The following PARD3B variants were observed in gnomAD, a reference collection of about 807,000 sequenced individuals.
PARD3B encodes partitioning defective 3 homolog B.
Under a neutral mutation model 130.2 loss-of-function variants are expected in PARD3B, and 103 were observed. The observed-to-expected ratio is 0.79, with a 90% CI of 0.67 to 0.93. The LOEUF (loss-of-function observed/expected upper bound fraction) is 0.93. Ranked by LOEUF, PARD3B falls within the 40% of genes least tolerant of loss-of-function variation. The pLI is 0.00. For synonymous variants in PARD3B, 583 were observed against 553.2 expected, an observed-to-expected ratio of 1.05 and a Z score of -0.76; for missense variants, 1,609 against 1,499.2, an observed-to-expected ratio of 1.07 and a Z score of -1.21.
At chr2:205,061,677 T>C (rs7557452) in intron 4 of PARD3B, among the ~76,000 whole-genome samples, 73,847 of 151,682 alleles carry the variant, frequency 0.49, 18,516 homozygotes, top group South Asian at 0.62. Flanking sequence ...TCTTTAGCTT[T>C]AATTTACAGA....
chr2:205,062,380 G>T (rs1316192504), intron 4 of PARD3B, among the ~76,000 whole-genome samples: 3 of 152,078 alleles, frequency 2.0e-5, no homozygotes, highest in African/African-American at 7.2e-5. Context: ...CTTGTTCCTG[G>T]ACTGAGGCAT....
intron 20 of PARD3B, among the ~76,000 whole-genome samples, chr2:205,456,620 CT>C (rs2048284931): frequency 6.6e-6 from 1 of 151,630 alleles, no homozygotes; most frequent in Non-Finnish European, 1.5e-5. Context: ...TTGTCAAATG[CT>C]TTTTCCACTT....
At position 204,546,083 on chromosome 2, in the gene PARD3B, G is replaced by A. The variant is rs775470987; in HGVS notation, c.84G>A (p.Gln28=). Residue 28 remains glutamine, a synonymous_variant, in exon 1 of 23, where the codon CAG becomes CAA. Transcript: ENST00000406610. The stretch of plus-strand genomic sequence containing the variant: ...AGCTGCGCGTCGGCGAGCTCACCCA[G>A]CAGGCGCTGCAGCGGTACCTGAAGA... ...EGQLRVGELT[Q]QALQRYLKTR... The A allele has an allele frequency of 1.3e-6, 2 of 1,557,606 alleles. No homozygotes were observed. The highest frequency in any genetic ancestry group is 2.4e-5 in the South Asian group (2 of 84,686).
intron 4 of PARD3B, among the ~76,000 whole-genome samples, chr2:205,101,105 A>G (rs1306747348): frequency 6.6e-6 from 1 of 152,164 alleles, no homozygotes; most frequent in East Asian, 1.9e-4. Flanking sequence ...AGAAATTTGT[A>G]TATGGAATAT....
At chr2:205,548,103 T>C (rs2052455329) in intron 21 of PARD3B, among the ~76,000 whole-genome samples, 1 of 152,328 alleles carries the variant, frequency 6.6e-6, no homozygotes, top group African/African-American at 2.4e-5. Context: ...TCAGACTTCC[T>C]CCTGGGTTCA....
In PARD3B at chr2:205,558,971, C is replaced by T. The variant is rs2053021130; in HGVS notation, c.3260+5568C>T. On this transcript the variant is annotated intron_variant, in intron 22 of 22. Transcript: ENST00000406610. This position sits in a 1 kb window ranked among gnomAD's most constrained non-coding sequence, Gnocchi z 4.8. ...AATATAAATTCCTTGAAATAAGAGA[C>T]TTTGTTTTATACCCATCATTTGTTA... Among the ~76,000 whole-genome samples the T allele has an allele frequency of 1.3e-5, 2 of 152,172 alleles. No individual in the cohort carries two copies. The highest frequency in any genetic ancestry group is 4.8e-5 in the African/African-American group (2 of 41,442).
intron 4 of PARD3B, among the ~76,000 whole-genome samples, chr2:205,072,163 C>A (rs879852959): frequency 5.3e-5 from 8 of 151,440 alleles, no homozygotes; most frequent in Non-Finnish European, 1.0e-4. Context: ...ATAATATGAT[C>A]AAAAATTCCA....
chr2:205,390,045 T>C (rs2045796764), intron 18 of PARD3B, among the ~76,000 whole-genome samples: 2 of 152,048 alleles, frequency 1.3e-5, no homozygotes, highest in Non-Finnish European at 2.9e-5. Flanking sequence ...GTTTCAAACT[T>C]AATATAGCTT....
At chr2:205,077,858 C>T (rs975093498) in intron 4 of PARD3B, among the ~76,000 whole-genome samples, 2 of 152,090 alleles carry the variant, frequency 1.3e-5, no homozygotes, top group Non-Finnish European at 2.9e-5. Flanking sequence ...CCTTACTTTC[C>T]TATTTAAACA....
chr2:205,244,715 A>G lies in PARD3B; in HGVS notation c.2141-1063A>G, dbSNP rs942122155. ...AAACTACTATAGGGCGACCCATGTT[A>G]TCTAATTCTTCCTATATGAGCTTCA... On this transcript the variant is annotated intron_variant, in intron 15 of 22. Coordinates refer to ENST00000406610, the MANE Select transcript of PARD3B (RefSeq NM_001302769.2). The surrounding 1 kb of genome is among the most constrained non-coding windows in gnomAD (Gnocchi z 4.7). 2.6e-5 allele frequency among the ~76,000 whole-genome samples: 4 copies of G among 152,088 alleles called. No homozygotes were observed. Among genetic ancestry groups the G allele is most frequent in the African/African-American group, 9.7e-5 (4 of 41,406 alleles).
chr2:204,897,955 C>T (rs955852597), intron 2 of PARD3B, among the ~76,000 whole-genome samples: 1 of 150,858 alleles, frequency 6.6e-6, no homozygotes, highest in African/African-American at 2.4e-5. Context: ...TAATAAAGGA[C>T]TAAATGAAAA....
chr2:205,469,346 C>T (rs115060748), intron 20 of PARD3B, among the ~76,000 whole-genome samples: 6 of 152,194 alleles, frequency 3.9e-5, no homozygotes, highest in African/African-American at 1.4e-4. Flanking sequence ...TTCTGATTGC[C>T]CTCTCCTTCT....
At chr2:204,937,344 A>T (rs988336190) in intron 2 of PARD3B, among the ~76,000 whole-genome samples, 6 of 152,088 alleles carry the variant, frequency 3.9e-5, no homozygotes, top group African/African-American at 1.4e-4. Flanking sequence ...TGGTCTGGGG[A>T]TCCTTGACTG....
At chr2:205,134,733 A>G (rs752970716) in intron 10 of PARD3B, among the ~76,000 whole-genome samples, 5 of 152,192 alleles carry the variant, frequency 3.3e-5, no homozygotes, top group Non-Finnish European at 5.9e-5. Flanking sequence ...ATTCTACTGA[A>G]CTATTGTCAG....
chr2:204,995,256 G>A (rs1159327913), intron 3 of PARD3B, among the ~76,000 whole-genome samples: 2 of 152,016 alleles, frequency 1.3e-5, no homozygotes, highest in African/African-American at 4.8e-5. Flanking sequence ...TCCTTCAGGA[G>A]CTCTTTTAGG....
chr2:205,107,023 C>T (rs1455281506), intron 5 of PARD3B, among the ~76,000 whole-genome samples: 1 of 152,168 alleles, frequency 6.6e-6, no homozygotes, highest in African/African-American at 2.4e-5. Context: ...ATCTCATATG[C>T]CACAGGGCTT....
At chr2:205,159,388 A>G (rs1178306319) in intron 11 of PARD3B, among the ~76,000 whole-genome samples, 1 of 152,216 alleles carries the variant, frequency 6.6e-6, no homozygotes, top group African/African-American at 2.4e-5. Context: ...CCCAGAATGC[A>G]TATTTCCTTT....
chr2:205,476,541 G>A (rs575213336), intron 20 of PARD3B, among the ~76,000 whole-genome samples: 252 of 152,198 alleles, frequency 1.7e-3, no homozygotes, highest in African/African-American at 5.9e-3. Flanking sequence ...TGTTGGGTTT[G>A]AACATGTTTT....
rs1347636114 is a variant in PARD3B at position 205,460,498 on chromosome 2, A to T, written c.3044+19826A>T. Reference sequence around the variant, plus strand: ...CCCAGCATTGAGGTACTTTACATGCAATATGATGTCTCTTGAGCAACATTT... The same window carrying T: ...CCCAGCATTGAGGTACTTTACATGCTATATGATGTCTCTTGAGCAACATTT... On this transcript the variant is annotated intron_variant, in intron 20 of 22. Transcript: ENST00000406610. The surrounding 1 kb of genome is among the most constrained non-coding windows in gnomAD (Gnocchi z 4.9). 1.3e-5 allele frequency among the ~76,000 whole-genome samples: 2 copies of T among 152,164 alleles called. No homozygotes were observed. The highest frequency in any genetic ancestry group is 2.4e-5 in the African/African-American group (1 of 41,438).
Sources: allele counts gnomAD v4.1 joint callset (sites outside exome capture counted in the v4.1 genomes callset), GRCh38; gene constraint gnomAD v4.1.1; non-coding constraint Gnocchi (gnomAD v3.1); transcripts MANE v1.5; gene names NCBI Gene and HGNC (gene_info 2026-07-23, HGNC 2026-07-21).